The following QSOX1 variants were observed in gnomAD, a reference collection of about 807,000 sequenced individuals.
The protein encoded by QSOX1 is sulfhydryl oxidase 1.
In QSOX1, 40 loss-of-function variants were observed where a neutral mutation model predicts 76.1. The ratio of observed to expected loss-of-function variants is 0.53; its 90% CI spans 0.41 to 0.68. The LOEUF (loss-of-function observed/expected upper bound fraction) is 0.68, where lower values mean the gene tolerates loss of function less well. Among genes scored for constraint, QSOX1 ranks in the 30% least tolerant of loss-of-function variants. The pLI is 0.00. For synonymous variants in QSOX1, 392 were observed against 413.1 expected (o/e 0.95, Z 0.62); for missense variants, 931 against 974.3 (o/e 0.96, Z 0.59).
chr1:180,170,777 C>T (rs994760727), intron 2 of QSOX1, among the ~76,000 whole-genome samples: 1 of 152,188 alleles, frequency 6.6e-6, no homozygotes, highest in Non-Finnish European at 1.5e-5. Context: ...ACTTGATTTC[C>T]GCATGGGCTT....
rs1663564998 is a variant in QSOX1 at position 180,198,610 on chromosome 1, G to C, written c.*1573G>C. ...GCTATGGGGCAGCTGGGGCTGGGGAGGGATGGCAGTCTCCCTGCATGTTTC... is the reference window on the plus strand; with the variant it reads ...GCTATGGGGCAGCTGGGGCTGGGGACGGATGGCAGTCTCCCTGCATGTTTC... On this transcript the variant is annotated 3_prime_UTR_variant, in exon 12 of 12. Transcript: ENST00000367602. 1 of 353,282 alleles carries C rather than the reference G, an allele frequency of 2.8e-6. No homozygotes were observed. Among genetic ancestry groups the C allele is most frequent in the Admixed American group, 3.7e-5 (1 of 27,256 alleles). 21.9% of individuals were successfully genotyped at this position (353,282 alleles called of 1,614,324 possible).
In QSOX1 at chr1:180,194,255, A is replaced by G. The variant is rs12371; in HGVS notation, c.1331A>G (p.His444Arg). The G allele has an allele frequency of 0.078, 125,683 of 1,612,994 alleles. 5,690 individuals are homozygous for G. Among genetic ancestry groups the G allele is most frequent in the Non-Finnish European group, 0.088 (103,708 of 1,179,318 alleles). The change falls in exon 11 of 12, where the codon CAC (histidine) becomes CGC (arginine). Residue 444 changes from histidine (H) to arginine (R), a missense_variant. Coordinates refer to ENST00000367602, the MANE Select transcript of QSOX1 (RefSeq NM_002826.5). ...EVLPAIRGYV[H>R]YFFGCRDCAS... Reference sequence around the variant, plus strand: ...CTCCCAGCCATCCGAGGCTACGTGCACTACTTCTTCGGCTGCCGAGACTGC... The same window carrying G: ...CTCCCAGCCATCCGAGGCTACGTGCGCTACTTCTTCGGCTGCCGAGACTGC...
At chr1:180,168,038 G>T (rs1196972155) in intron 2 of QSOX1, among the ~76,000 whole-genome samples, 1 of 152,236 alleles carries the variant, frequency 6.6e-6, no homozygotes, top group African/African-American at 2.4e-5. Context: ...CAGGGGAGGG[G>T]TTGACACTGG....
rs992097498 is a variant in QSOX1 at position 180,202,130 on chromosome 1, A to C, written c.*5093A>C. 2.0e-5 allele frequency: 3 copies of C among 152,252 alleles called. No individual in the cohort carries two copies. The highest frequency in any genetic ancestry group is 7.2e-5 in the African/African-American group (3 of 41,414). 9.4% of individuals were successfully genotyped at this position (152,252 alleles called of 1,614,324 possible). ...AGAGGAGGAGACCTTTGCCAATGTG[A>C]GAGAACAAAGTTAAGGGGCAGTCCA... On this transcript the variant is annotated 3_prime_UTR_variant, in exon 12 of 12. Coordinates refer to ENST00000367602, the MANE Select transcript of QSOX1 (RefSeq NM_002826.5).
At chr1:180,171,226 A>C (rs566055902) in intron 2 of QSOX1, among the ~76,000 whole-genome samples, 2 of 152,324 alleles carry the variant, frequency 1.3e-5, no homozygotes, top group East Asian at 3.9e-4. Context: ...ATACGTCATC[A>C]TCTGTCGGGC....
intron 1 of QSOX1, among the ~76,000 whole-genome samples, chr1:180,159,271 A>C (rs2149228770): frequency 6.6e-6 from 1 of 152,396 alleles, no homozygotes; most frequent in Middle Eastern, 3.4e-3. Context: ...TAGTAGAGCT[A>C]GACTGATACT....
rs12033579 is a variant in QSOX1, at chr1:180,163,568, C to A, written c.266-2923C>A. Among the ~76,000 whole-genome samples the A allele has an allele frequency of 1.7e-4, 26 of 152,244 alleles. No homozygotes were observed. The East Asian group carries it at 4.6e-3, about 27-fold the overall frequency. On this transcript the variant is annotated intron_variant, in intron 1 of 11. Coordinates refer to ENST00000367602, the MANE Select transcript of QSOX1 (RefSeq NM_002826.5). ...ACCCAATTATATTCTCTATGCCATA[C>A]AAAAACAAGATGCCAAAGCATATAT... is the stretch of plus-strand genomic sequence containing the variant.
chr1:180,191,689 G>T (rs1286724299), intron 10 of QSOX1, among the ~76,000 whole-genome samples: 1 of 152,260 alleles, frequency 6.6e-6, no homozygotes, highest in Non-Finnish European at 1.5e-5. Context: ...GCCGGAGCGG[G>T]TGCTGTCTGG....
Position 180,189,575 on chromosome 1 carries a change from C to T in QSOX1, c.1041C>T (p.Val347=). 1 of 1,612,976 alleles carries T rather than the reference C, an allele frequency of 6.2e-7. No individual in the cohort carries two copies. Among genetic ancestry groups the T allele is most frequent in the African/African-American group, 1.3e-5 (1 of 74,936 alleles). Residue 347 remains valine (V), a synonymous_variant, in exon 9 of 12, where the codon GTC becomes GTT. Coordinates refer to ENST00000367602, the MANE Select transcript of QSOX1 (RefSeq NM_002826.5). The part of the protein sequence containing the change: ...LAKYFPGRPL[V]QNFLHSVNEW... ...AGTATTTCCCTGGCCGGCCCTTAGT[C>T]CAGAACTTCCTGCACTCCGTGAATG...
At chr1:180,170,646 C>G (rs977839254) in intron 2 of QSOX1, among the ~76,000 whole-genome samples, 2 of 152,218 alleles carry the variant, frequency 1.3e-5, no homozygotes, top group Admixed American at 6.5e-5. Context: ...AAGCAACACA[C>G]TCCCAGAGTC....
intron 1 of QSOX1, among the ~76,000 whole-genome samples, chr1:180,156,337 G>C (rs927168857): frequency 1.2e-4 from 18 of 152,192 alleles, no homozygotes; most frequent in Middle Eastern, 3.2e-3. Context: ...TCTGGTGCTA[G>C]GTCGCTAGCA....
rs1482439347 is a variant in QSOX1 at position 180,194,315 on chromosome 1, T to C, written c.1391T>C (p.Met464Thr). The C allele has an allele frequency of 8.1e-6, 13 of 1,610,836 alleles. No homozygotes were observed. The highest frequency in any genetic ancestry group is 1.1e-5 in the Non-Finnish European group (13 of 1,178,006). The change falls in exon 11 of 12, where the codon ATG (methionine) becomes ACG (threonine). Residue 464 changes from methionine (M) to threonine (T), a missense_variant. Physicochemically the swap from Met to Thr is moderately conservative, Grantham distance 81 (BLOSUM62 -1). Transcript: ENST00000367602. Reference protein sequence around the residue: ...SHFEQMAAASMHRVGSPNAAV... With the variant: ...SHFEQMAAASTHRVGSPNAAV... ...TTCGAGCAGATGGCTGCTGCCTCCA[T>C]GCACCGGGTGGGGAGTCCCAACGCC...
chr1:180,176,102 TG>T, intron 4 of QSOX1, 69 bp downstream of exon 4: 1 of 1,315,824 alleles, frequency 7.6e-7, no homozygotes, highest in Non-Finnish European at 1.1e-6. Context: ...GAGAGGGTGG[TG>T]GGAACAGCAG....
chr1:180,185,739 A>G (rs558810119), intron 7 of QSOX1, among the ~76,000 whole-genome samples: 1 of 152,282 alleles, frequency 6.6e-6, no homozygotes, highest in East Asian at 1.9e-4. Context: ...GCCTGGAGAG[A>G]GAAAACTCCT....
At chr1:180,176,172 C>G (rs1662887626) in intron 4 of QSOX1, 139 bp downstream of exon 4, 1 of 677,576 alleles carries the variant, frequency 1.5e-6, no homozygotes, top group Non-Finnish European at 2.5e-6. Flanking sequence ...ACACACCAGT[C>G]TGCTGGAGCT....
At chr1:180,170,516 C>G (rs552168702) in intron 2 of QSOX1, among the ~76,000 whole-genome samples, 1 of 152,148 alleles carries the variant, frequency 6.6e-6, no homozygotes, top group South Asian at 2.1e-4. Context: ...TCCATAGTTT[C>G]GTGAAGACCA....
At chr1:180,165,976 C>T (rs893426934) in intron 1 of QSOX1, among the ~76,000 whole-genome samples, 1 of 152,180 alleles carries the variant, frequency 6.6e-6, no homozygotes, top group African/African-American at 2.4e-5. Context: ...TCCTGATACC[C>T]TTTACCCCAG....
rs528611310 is a variant in QSOX1 at position 180,177,101 on chromosome 1, C to T, written c.515+1068C>T. 1.1e-4 allele frequency among the ~76,000 whole-genome samples: 16 copies of T among 152,298 alleles called. No individual in the cohort carries two copies. In the East Asian group the frequency reaches 3.1e-3, roughly 29 times the overall value. The stretch of plus-strand genomic sequence containing the variant: ...CAGAAAACACCCATGTCAGCCTGTG[C>T]CCTGGTCCTTGCTGCTTCTATTTCT... On this transcript the variant is annotated intron_variant, in intron 4 of 11. Transcript: ENST00000367602.
intron 4 of QSOX1, among the ~76,000 whole-genome samples, chr1:180,177,518 G>A (rs1024432965): frequency 5.3e-5 from 8 of 152,244 alleles, no homozygotes; most frequent in South Asian, 2.1e-4. Flanking sequence ...GCCTCCCAAA[G>A]TACTGGGATT....
Sources: gnomAD v4.1 joint callset for allele counts (sites outside exome capture counted in the v4.1 genomes callset) on GRCh38, gnomAD v4.1.1 for gene constraint, MANE v1.5 for transcripts, NCBI Gene and HGNC (gene_info 2026-07-23, HGNC 2026-07-21) for gene names.